The following ATP2C2 variants were observed in gnomAD, a reference collection of about 807,000 sequenced individuals.
ATP2C2 encodes the protein ATPase secretory pathway Ca2+ transporting 2, also known as calcium-transporting ATPase type 2C member 2.
ATP2C2 carries 171 observed loss-of-function variants against 110.8 expected under a neutral mutation model. The observed-to-expected ratio is 1.54, with a 90% CI of 1.36 to 1.75. The LOEUF is 1.75. Ranked by LOEUF, ATP2C2 falls within the 40% of genes most tolerant of loss-of-function variation. The probability of loss-of-function intolerance (pLI) is 0.00; values close to 1 mark genes in which losing one functional copy is unlikely to be tolerated. For missense variants in ATP2C2, 1,963 were observed against 1,235.0 expected (o/e 1.59, Z -8.84); for synonymous variants, 804 against 508.4 (o/e 1.58, Z -7.82).
At chr16:84,374,671 A>G (rs1290110777) in intron 1 of ATP2C2, among the ~76,000 whole-genome samples, 1 of 152,028 alleles carries the variant, frequency 6.6e-6, no homozygotes, top group Non-Finnish European at 1.5e-5. Flanking sequence ...CTGGGAGCTG[A>G]TGGGGGGTCC....
At chr16:84,427,205 T>G (rs1907882624) in intron 11 of ATP2C2, among the ~76,000 whole-genome samples, 1 of 152,182 alleles carries the variant, frequency 6.6e-6, no homozygotes, top group Non-Finnish European at 1.5e-5. Context: ...TATGTATATA[T>G]ATGTAATTAA....
At chr16:84,384,330 G>A (rs190865788) in intron 1 of ATP2C2, among the ~76,000 whole-genome samples, 1 of 152,290 alleles carries the variant, frequency 6.6e-6, no homozygotes, top group East Asian at 1.9e-4. Context: ...TCAGATTCCA[G>A]GCTCGGGGAC....
intron 21 of ATP2C2, 72 bp downstream of exon 21, chr16:84,455,056 T>A: frequency 1.4e-5 from 16 of 1,114,414 alleles, no homozygotes; most frequent in East Asian, 8.2e-5. Flanking sequence ...TGGAACCTGC[T>A]ACTGTGGAGA....
intron 23 of ATP2C2, 25 bp downstream of exon 23, chr16:84,459,411 C>T (rs1161006345): frequency 6.2e-7 from 1 of 1,610,890 alleles, no homozygotes; most frequent in East Asian, 2.2e-5. Flanking sequence ...GCTGGGAGCC[C>T]TGTGTCTCTT....
At position 84,423,215 on chromosome 16, in the gene ATP2C2, A is replaced by C; in HGVS notation, c.871A>C (p.Met291Leu). 1.2e-6 allele frequency: 2 copies of C among 1,614,164 alleles called. No individual in the cohort carries two copies. Among genetic ancestry groups the C allele is most frequent in the African/African-American group, 2.7e-5 (2 of 75,048 alleles). ...ACCTAAAACTCCTTTGCAGAAAAGC[A>C]TGGACAGGCTAGGAAAGCAACTGAC... Reference protein sequence around the residue: ...ETPKTPLQKSMDRLGKQLTLF... With the variant: ...ETPKTPLQKSLDRLGKQLTLF... Residue 291 changes from methionine (M) to leucine (L), a missense_variant, in exon 10 of 27, where the codon ATG becomes CTG. Transcript: ENST00000262429.
rs1399703949 is a variant in ATP2C2, at chr16:84,459,589, C to G, written c.2333+203C>G. ...GGAGAAAGTACCTGGGCCGGCAGAGCTGGGTGAGGATGGAACTTTCTGCTC... is the reference window on the plus strand; with the variant it reads ...GGAGAAAGTACCTGGGCCGGCAGAGGTGGGTGAGGATGGAACTTTCTGCTC... On this transcript the variant is annotated intron_variant, in intron 23 of 26. Coordinates refer to ENST00000262429, the MANE Select transcript of ATP2C2 (RefSeq NM_014861.4). The G allele has an allele frequency of 2.6e-6, 4 of 1,535,862 alleles. No homozygotes were observed. In the South Asian group the frequency reaches 4.8e-5, roughly 18 times the overall value.
intron 3 of ATP2C2, chr16:84,406,559 C>T: frequency 1.0e-6 from 1 of 983,502 alleles, no homozygotes; most frequent in Non-Finnish European, 1.2e-6. Context: ...TCTCCACTCT[C>T]CTTGAGGTCC....
intron 23 of ATP2C2, 125 bp downstream of exon 23, chr16:84,459,511 C>T (rs1187363605): frequency 2.6e-6 from 4 of 1,567,008 alleles, no homozygotes; most frequent in African/African-American, 2.7e-5. Flanking sequence ...ATCAGGAGTT[C>T]CCAGAAAACT....
chr16:84,448,377 C>T (rs1342155079), intron 16 of ATP2C2, among the ~76,000 whole-genome samples, 156 bp from the exon 17 acceptor site: 2 of 152,180 alleles, frequency 1.3e-5, no homozygotes, highest in East Asian at 1.9e-4. Flanking sequence ...CTTCGCGAAC[C>T]TGTCCAGCAC....
intron 23 of ATP2C2, chr16:84,459,597 G>A: frequency 6.5e-7 from 1 of 1,535,506 alleles, no homozygotes; most frequent in Non-Finnish European, 8.7e-7. Flanking sequence ...AGCTGGGTGA[G>A]GATGGAACTT....
chr16:84,459,773 C>G (rs1019987816), intron 23 of ATP2C2: 1 of 576,154 alleles, frequency 1.7e-6, no homozygotes, highest in Admixed American at 3.0e-5. Context: ...TACACACAGA[C>G]ACACTTTTCC....
intron 17 of ATP2C2, 132 bp downstream of exon 17, chr16:84,448,821 A>C: frequency 2.4e-6 from 3 of 1,249,384 alleles, no homozygotes; most frequent in Non-Finnish European, 3.3e-6. Flanking sequence ...GACGGCAATA[A>C]TGTGTGCTTG....
rs774435521 is a variant in ATP2C2, at chr16:84,422,478, A to G, written c.713A>G (p.Asp238Gly). The G allele has an allele frequency of 8.7e-6, 14 of 1,613,728 alleles. No homozygotes were observed. The highest frequency in any genetic ancestry group is 3.3e-5 in the Admixed American group (2 of 59,960). ...GACAGCCCCTTGACAGGCGGTGGGG[A>G]CCTCACCACCCTCAGCAACATCGTC... ...KTDSPLTGGG[D>G]LTTLSNIVFM... The change falls in exon 8 of 27, where the codon GAC (aspartate) becomes GGC (glycine). Residue 238 changes from aspartate to glycine, a missense_variant. Physicochemically the swap from Asp to Gly is moderately conservative, Grantham distance 94. Transcript: ENST00000262429.
rs957218807 is a variant in ATP2C2 at position 84,460,661 on chromosome 16, G to T, written c.2341G>T (p.Val781Leu). The T allele has an allele frequency of 6.2e-7, 1 of 1,614,228 alleles. No individual in the cohort carries two copies. The highest frequency in any genetic ancestry group is 1.3e-5 in the African/African-American group (1 of 75,058). Reference sequence around the variant, plus strand: ...GTGTCTTGTTCGGAGCAGCTTGGGGGTAGAGCCCGTTGACAAAGACGCCTT... The same window carrying T: ...GTGTCTTGTTCGGAGCAGCTTGGGGTTAGAGCCCGTTGACAAAGACGCCTT... Reference protein sequence around the residue: ...MDGPPAQSLGVEPVDKDAFRQ... With the variant: ...MDGPPAQSLGLEPVDKDAFRQ... The change falls in exon 24 of 27, where the codon GTA (valine) becomes TTA (leucine). Residue 781 changes from valine to leucine, a missense_variant. Transcript: ENST00000262429.
At position 84,461,690 on chromosome 16, in the gene ATP2C2, CTCACCTTTGTGCTCACCTT is replaced by C. The variant is rs1454537348; in HGVS notation, c.2482-23_2482-5del. 1 of 1,605,786 alleles carries C rather than the reference CTCACCTTTGTGCTCACCTT, an allele frequency of 6.2e-7. No homozygotes were observed. Among genetic ancestry groups the C allele is most frequent in the African/African-American group, 1.3e-5 (1 of 74,848 alleles). On this transcript the variant is annotated splice_region_variant and splice_polypyrimidine_tract_variant and intron_variant, in intron 24 of 26. Transcript: ENST00000262429. ...GAGGTTGTCTCTTCCCGCCTAACCT[CTCACCTTTGTGCTCACCTT>C]CCAGATGCCTGAAGACAGAGCAAGC... is the stretch of plus-strand genomic sequence containing the variant.
At chr16:84,430,081 C>A (rs1179599511) in intron 11 of ATP2C2, among the ~76,000 whole-genome samples, 1 of 152,072 alleles carries the variant, frequency 6.6e-6, no homozygotes, top group Non-Finnish European at 1.5e-5. Context: ...TCTAATGACC[C>A]CATTTTTATT....
intron 1 of ATP2C2, among the ~76,000 whole-genome samples, chr16:84,385,768 G>C (rs1904310608): frequency 6.6e-6 from 1 of 152,298 alleles, no homozygotes; most frequent in East Asian, 1.9e-4. Flanking sequence ...GAAACCATCA[G>C]ATCTTGTGAG....
chr16:84,395,864 T>C (rs1384776395), intron 1 of ATP2C2, among the ~76,000 whole-genome samples: 2 of 152,168 alleles, frequency 1.3e-5, no homozygotes, highest in African/African-American at 4.8e-5. Flanking sequence ...TTTAACCATT[T>C]TTAAGGGTAT....
chr16:84,380,968 C>G (rs1044823447), intron 1 of ATP2C2, among the ~76,000 whole-genome samples: 5 of 152,132 alleles, frequency 3.3e-5, no homozygotes, highest in African/African-American at 1.2e-4. Context: ...ATCATGAGGT[C>G]AGGAGTTTGA....
Sources: allele counts gnomAD v4.1 joint callset (sites outside exome capture counted in the v4.1 genomes callset), GRCh38; gene constraint gnomAD v4.1.1; transcripts MANE v1.5; gene names NCBI Gene and HGNC (gene_info 2026-07-23, HGNC 2026-07-21).